The following SPMAP2L variants were observed in gnomAD, a reference collection of about 807,000 sequenced individuals.
SPMAP2L encodes the protein sperm microtubule associated protein 2 like, also known as sperm microtubule associated protein 2-like.
chr4:56,621,121 T>C, the SPMAP2L span, among the ~76,000 whole-genome samples: 5 of 152,270 alleles, frequency 3.3e-5, no homozygotes, highest in African/African-American at 7.2e-5. Context: ...AAAATTTAGA[T>C]AGGAGAAAAT....
chr4:56,594,982 C>T, the SPMAP2L span: 2 of 1,607,724 alleles, frequency 1.2e-6, no homozygotes, highest in African/African-American at 1.3e-5. Context: ...TAAGAAATAC[C>T]TTGCCCCGTT....
chr4:56,604,207 A>G, the SPMAP2L span, among the ~76,000 whole-genome samples: 3 of 152,196 alleles, frequency 2.0e-5, no homozygotes, highest in South Asian at 2.1e-4. Context: ...TGTCTCTGTC[A>G]TGGATTATTT....
the SPMAP2L span, among the ~76,000 whole-genome samples, chr4:56,613,085 C>T: frequency 1.3e-5 from 2 of 152,160 alleles, no homozygotes; most frequent in African/African-American, 4.8e-5. Flanking sequence ...AACTCTTCCC[C>T]TTCTTCCCAG....
the SPMAP2L span, chr4:56,595,825 A>G: frequency 1.3e-6 from 1 of 759,652 alleles, no homozygotes; most frequent in South Asian, 1.4e-5. Context: ...TAGGAGTTTT[A>G]TATACTGTGT....
At chr4:56,543,652 T>G in the SPMAP2L span, among the ~76,000 whole-genome samples, 1,155 of 152,140 alleles carry the variant, frequency 7.6e-3, 14 homozygotes, top group African/African-American at 0.026. Flanking sequence ...ATTGCGCCAC[T>G]GCACTCCAGC....
chr4:56,561,160 A>G, the SPMAP2L span, among the ~76,000 whole-genome samples: 1 of 152,250 alleles, frequency 6.6e-6, no homozygotes, highest in South Asian at 2.1e-4. Flanking sequence ...AAGATGAATT[A>G]AATAATATTT....
the SPMAP2L span, among the ~76,000 whole-genome samples, chr4:56,571,419 C>T: frequency 6.6e-6 from 1 of 151,222 alleles, no homozygotes; most frequent in Admixed American, 6.6e-5. Context: ...CTCATGCGAT[C>T]CTCCCACCTC....
At chr4:56,576,076 G>A in the SPMAP2L span, among the ~76,000 whole-genome samples, 1 of 152,148 alleles carries the variant, frequency 6.6e-6, no homozygotes, top group Non-Finnish European at 1.5e-5. Context: ...TGTTGCAAAA[G>A]CTAATTCAAT....
the SPMAP2L span, among the ~76,000 whole-genome samples, chr4:56,532,849 C>T: frequency 2.0e-5 from 3 of 152,188 alleles, no homozygotes; most frequent in African/African-American, 7.2e-5. Flanking sequence ...TTCACCCCAT[C>T]GTAGGCACCC....
chr4:56,585,991 A>G, the SPMAP2L span, among the ~76,000 whole-genome samples: 3 of 152,216 alleles, frequency 2.0e-5, no homozygotes, highest in African/African-American at 7.2e-5. Flanking sequence ...AGTGGCATAA[A>G]ACAACAATGA....
the SPMAP2L span, among the ~76,000 whole-genome samples, chr4:56,541,951 C>T: frequency 6.6e-6 from 1 of 152,122 alleles, no homozygotes; most frequent in Non-Finnish European, 1.5e-5. Flanking sequence ...TGCCCTGCCA[C>T]AATTATTCTT....
the SPMAP2L span, among the ~76,000 whole-genome samples, chr4:56,556,299 T>C: frequency 1.2e-4 from 18 of 152,256 alleles, no homozygotes; most frequent in Non-Finnish European, 2.4e-4. Context: ...AGTCAAAACA[T>C]AGATGGACAG....
chr4:56,554,380 A>G, the SPMAP2L span, among the ~76,000 whole-genome samples: 1 of 152,302 alleles, frequency 6.6e-6, no homozygotes, highest in East Asian at 1.9e-4. Context: ...AGCCATTCTA[A>G]TAGGTGTGTA....
chr4:56,575,288 G>C, the SPMAP2L span, among the ~76,000 whole-genome samples: 45 of 152,072 alleles, frequency 3.0e-4, 1 homozygote, highest in Middle Eastern at 0.01. Context: ...ATTTATTTGA[G>C]AAAACTATCT....
the SPMAP2L span, among the ~76,000 whole-genome samples, chr4:56,573,522 G>A: frequency 6.6e-6 from 1 of 152,102 alleles, no homozygotes; most frequent in Non-Finnish European, 1.5e-5. Flanking sequence ...CCGCTCATTG[G>A]CTGCGTAATC....
the SPMAP2L span, chr4:56,595,177 G>A: frequency 1.1e-5 from 17 of 1,611,480 alleles, no homozygotes; most frequent in African/African-American, 1.5e-4. Flanking sequence ...CAACTACATG[G>A]CCAAGCGATT....
chr4:56,595,308 A>T, the SPMAP2L span: 2 of 1,612,012 alleles, frequency 1.2e-6, no homozygotes, highest in East Asian at 2.2e-5. Flanking sequence ...TGGCCAAGAG[A>T]CTCCAGGATT....
the SPMAP2L span, among the ~76,000 whole-genome samples, chr4:56,567,298 G>C: frequency 6.6e-6 from 1 of 150,798 alleles, no homozygotes; most frequent in African/African-American, 2.4e-5. Context: ...ATGGAGTGTC[G>C]CCATGTCACC....
At chr4:56,536,375 C>T in the SPMAP2L span, among the ~76,000 whole-genome samples, 1 of 152,248 alleles carries the variant, frequency 6.6e-6, no homozygotes, top group South Asian at 2.1e-4. Flanking sequence ...TGCCAGGGCA[C>T]TCTTGTTTCA....
Sources: allele counts gnomAD v4.1 joint callset (sites outside exome capture counted in the v4.1 genomes callset), GRCh38; gene constraint gnomAD v4.1.1; transcripts MANE v1.5; gene names NCBI Gene and HGNC (gene_info 2026-07-23, HGNC 2026-07-21).